The following ACAN variants were observed in gnomAD, a reference collection of about 807,000 sequenced individuals.
The protein encoded by ACAN is aggrecan.
In ACAN, 47 loss-of-function variants were observed where a neutral mutation model predicts 169.1. The ratio of observed to expected loss-of-function variants is 0.28; its 90% confidence interval spans 0.22 to 0.35. The LOEUF (loss-of-function observed/expected upper bound fraction) is 0.35. ACAN is among the 10% of genes least tolerant of loss of function. The pLI is 1.00. For synonymous variants in ACAN, 1,115 were observed against 1,112.2 expected, an observed-to-expected ratio of 1.00 and a Z score of -0.05; for missense variants, 2,716 against 2,759.9, an observed-to-expected ratio of 0.98 and a Z score of 0.36.
Position 88,839,732 on chromosome 15 carries a change from G to A in ACAN, c.455-280G>A, listed in dbSNP as rs1006888195. 2.0e-5 allele frequency among the ~76,000 whole-genome samples: 3 copies of A among 152,172 alleles called. No homozygotes were observed. Among genetic ancestry groups the A allele is most frequent in the African/African-American group, 7.2e-5 (3 of 41,424 alleles). On this transcript the variant is annotated intron_variant, in intron 3 of 18. Coordinates refer to ENST00000560601, the MANE Select transcript of ACAN (RefSeq NM_001369268.1). The surrounding 1 kb of genome is among the most constrained non-coding windows in gnomAD (Gnocchi z 4.5). ...TGGAGTGATAAGAAAAAATTATAAG[G>A]AGGCAGATTTTAGTTTAATTCAAAG...
At chr15:88,859,473 C>T in intron 12 of ACAN, 56 bp downstream of exon 12, 1 of 1,550,104 alleles carries the variant, frequency 6.5e-7, no homozygotes, top group South Asian at 1.2e-5. Flanking sequence ...CTGTAGCCTA[C>T]TGCAGCACAG....
In ACAN at chr15:88,850,013, G is replaced by A. The variant is rs919572653; in HGVS notation, c.2026+282G>A. The A allele has an allele frequency of 8.3e-6, 5 of 605,002 alleles. No individual in the cohort carries two copies. The Admixed American group carries it at 1.4e-4, about 17-fold the overall frequency. 37.5% of individuals were successfully genotyped at this position (605,002 alleles called of 1,614,324 possible). ...AGACCTGAATTTGAGTTATGGCTCT[G>A]CTACTTAATAGCTGTGTGAAAATGG... On this transcript the variant is annotated intron_variant, in intron 10 of 18. Transcript: ENST00000560601.
At chr15:88,805,462 G>A (rs1047748419) in intron 1 of ACAN, among the ~76,000 whole-genome samples, 2 of 152,248 alleles carry the variant, frequency 1.3e-5, no homozygotes, top group Non-Finnish European at 1.5e-5. Context: ...ATCTCTTGGA[G>A]AGATGCTGGA....
chr15:88,860,479 G>A (rs559021246), intron 13 of ACAN, 40 bp downstream of exon 13: 30 of 1,561,458 alleles, frequency 1.9e-5, no homozygotes, highest in Admixed American at 5.2e-5. Flanking sequence ...GGGCGGAGGC[G>A]CTGGACAGAC....
Position 88,851,757 on chromosome 15 carries a change from G to C in ACAN, c.2027-37G>C. 1 of 1,529,272 alleles carries C rather than the reference G, an allele frequency of 6.5e-7. No homozygotes were observed. Among genetic ancestry groups the C allele is most frequent in the Non-Finnish European group, 8.8e-7 (1 of 1,135,262 alleles). The allele number at this position is 1,529,272 out of a possible 1,614,324, so 94.7% of individuals were successfully genotyped here. On this transcript the variant is annotated intron_variant, in intron 10 of 18. Transcript: ENST00000560601. This position sits in a 1 kb window ranked among gnomAD's most constrained non-coding sequence, Gnocchi z 4.3. ...CCAGCCAAGGACGGGTCACTGGTAAGAGAGGGACTCACTCTGACCACCCAC... is the reference window on the plus strand; with the variant it reads ...CCAGCCAAGGACGGGTCACTGGTAACAGAGGGACTCACTCTGACCACCCAC...
At chr15:88,841,087 G>A (rs1337491560) in intron 4 of ACAN, among the ~76,000 whole-genome samples, 1 of 152,244 alleles carries the variant, frequency 6.6e-6, no homozygotes, top group East Asian at 1.9e-4. Context: ...GGAGCTTGCA[G>A]TGAGCCGAGA....
Position 88,858,339 on chromosome 15 carries a change from C to T in ACAN, c.5754C>T (p.Pro1918=). The T allele has an allele frequency of 6.2e-7, 1 of 1,613,974 alleles. No homozygotes were observed. The highest frequency in any genetic ancestry group is 8.5e-7 in the Non-Finnish European group (1 of 1,179,890). Residue 1918 remains proline, a synonymous_variant, in exon 12 of 19, where the codon CCC becomes CCT. Coordinates refer to ENST00000560601, the MANE Select transcript of ACAN (RefSeq NM_001369268.1). This position sits in a 1 kb window ranked among gnomAD's most constrained non-coding sequence, Gnocchi z 4.0. ...GAGCTGAGATTGGGAGCAGCCTGCC[C>T]TCGGGAGCATATTATGGCAGTGGAA... ...SSRAEIGSSL[P]SGAYYGSGTP...
At chr15:88,847,554 G>A in intron 8 of ACAN, 137 bp downstream of exon 8, 1 of 1,109,112 alleles carries the variant, frequency 9.0e-7, no homozygotes, top group Non-Finnish European at 1.2e-6. Context: ...CTCAACTGAG[G>A]CATATCCCGA....
chr15:88,855,346 G>C lies in ACAN; in HGVS notation c.2761G>C (p.Gly921Arg). 2 of 1,612,762 alleles carry C rather than the reference G, an allele frequency of 1.2e-6. No homozygotes were observed. Among genetic ancestry groups the C allele is most frequent in the Non-Finnish European group, 1.7e-6 (2 of 1,179,124 alleles). Residue 921 changes from glycine to arginine, a missense_variant, in exon 12 of 19, where the codon GGG becomes CGG. Coordinates refer to ENST00000560601, the MANE Select transcript of ACAN (RefSeq NM_001369268.1). ...GCCTGTGGAAAGTGGACTACCCTCA[G>C]GGGATGAAGAGAGAATTGAGTGGCC... is the stretch of plus-strand genomic sequence containing the variant. ...GLPVESGLPS[G>R]DEERIEWPST...
chr15:88,823,721 G>A (rs1360245898), intron 1 of ACAN, among the ~76,000 whole-genome samples: 2 of 152,062 alleles, frequency 1.3e-5, no homozygotes, highest in Non-Finnish European at 2.9e-5. Flanking sequence ...ATCACTCCCA[G>A]CCTCTTGGAG....
rs201154137 is a variant in ACAN at position 88,872,968 on chromosome 15, G to A, written c.7390G>A (p.Glu2464Lys). ...GGTGATGATCTGGCACGAGAAGGGC[G>A]AGTGGAATGATGTTCCCTGCAATTA... is the stretch of plus-strand genomic sequence containing the variant. ...CVVMIWHEKG[E>K]WNDVPCNYHL... The change falls in exon 17 of 19, where the codon GAG becomes AAG. Residue 2464 changes from glutamate to lysine, a missense_variant. Physicochemically the swap from Glu to Lys is moderately conservative, Grantham distance 56. Around this residue, in one of 3 missense-constraint regions of ACAN, gnomAD observed 1,389 missense variants for 1,363.7 expected, o/e 1.02. Transcript: ENST00000560601. This position sits in a 1 kb window ranked among gnomAD's most constrained non-coding sequence, Gnocchi z 5.4. 6.9e-5 allele frequency: 111 copies of A among 1,613,842 alleles called. 2 individuals carry two copies. Among genetic ancestry groups the A allele is most frequent in the South Asian group, 3.8e-4 (35 of 91,024 alleles).
intron 11 of ACAN, among the ~76,000 whole-genome samples, chr15:88,854,465 A>T (rs1897002195): frequency 6.6e-6 from 1 of 152,206 alleles, no homozygotes; most frequent in East Asian, 1.9e-4. Context: ...TACTTGCAGG[A>T]TGACCTTGGT....
rs145131064 is a variant in ACAN, at chr15:88,815,798, T to C, written c.-8+11989T>C. ...GTTTATAAAGAAGTTTTTAGATTAG[T>C]AGTAGTGTTATAATAAAAAGTTACC... On this transcript the variant is annotated intron_variant, in intron 1 of 18. Transcript: ENST00000560601. Among the ~76,000 whole-genome samples, 900 of 152,112 alleles carry C rather than the reference T, an allele frequency of 5.9e-3. 7 individuals are homozygous for C. Among genetic ancestry groups the C allele is most frequent in the African/African-American group, 0.02 (840 of 41,472 alleles).
Position 88,851,623 on chromosome 15 carries a change from T to C in ACAN, c.2027-171T>C, listed in dbSNP as rs138787877. ...GTGCTGATGGTGCATATGGATATTA[T>C]ATCATTGGTGCCGATGGCTCTTACT... On this transcript the variant is annotated intron_variant, in intron 10 of 18. Coordinates refer to ENST00000560601, the MANE Select transcript of ACAN (RefSeq NM_001369268.1). The surrounding 1 kb of genome is among the most constrained non-coding windows in gnomAD (Gnocchi z 4.3). The C allele has an allele frequency of 1.8e-4, 126 of 694,090 alleles. No individual in the cohort carries two copies. The African/African-American group carries it at 2.1e-3, about 11-fold the overall frequency. 43.0% of individuals were successfully genotyped at this position (694,090 alleles called of 1,614,324 possible). A position where few individuals can be genotyped will look rare whatever the true frequency, so the allele number is the denominator to read the frequency against.
chr15:88,854,966 TCCCCTCAGAGGAGCCATC>T lies in ACAN; in HGVS notation c.2394_2411del (p.Ser800_Pro805del), dbSNP rs1427904133. 3 of 1,599,002 alleles carry T rather than the reference TCCCCTCAGAGGAGCCATC, an allele frequency of 1.9e-6. No homozygotes were observed. The highest frequency in any genetic ancestry group is 4.5e-5 in the East Asian group (2 of 44,316). On this transcript the variant is annotated inframe_deletion, in exon 12 of 19. Coordinates refer to ENST00000560601, the MANE Select transcript of ACAN (RefSeq NM_001369268.1). The stretch of plus-strand genomic sequence containing the variant: ...GAACCATCCCCCTCAGAGGTGCCAT[TCCCCTCAGAGGAGCCATC>T]CCCCTCAGAGGAACCATTCCCCTCA...
chr15:88,872,745 C>G lies in ACAN; in HGVS notation c.7303-136C>G. The stretch of plus-strand genomic sequence containing the variant: ...GATCAGATTCCCAGCAGTTTTTGTG[C>G]TGCTATCAGATGAGCCTGAAGTTGG... On this transcript the variant is annotated intron_variant, in intron 16 of 18. Transcript: ENST00000560601. This position sits in a 1 kb window ranked among gnomAD's most constrained non-coding sequence, Gnocchi z 5.4. 8.9e-7 allele frequency: 1 copy of G among 1,121,580 alleles called. No homozygotes were observed. Among genetic ancestry groups the G allele is most frequent in the South Asian group, 1.7e-5 (1 of 58,076 alleles). 69.5% of individuals were successfully genotyped at this position (1,121,580 alleles called of 1,614,324 possible).
chr15:88,838,600 G>A lies in ACAN; in HGVS notation c.71-63G>A. ...GTGCATTGCTGGAAGGATGGATGGG[G>A]AGGCGGGGTGGTCCTCTCTAGGCAC... On this transcript the variant is annotated intron_variant, in intron 2 of 18. Coordinates refer to ENST00000560601, the MANE Select transcript of ACAN (RefSeq NM_001369268.1). This position sits in a 1 kb window ranked among gnomAD's most constrained non-coding sequence, Gnocchi z 5.1. 6.6e-7 allele frequency: 1 copy of A among 1,515,012 alleles called. No individual in the cohort carries two copies. Among genetic ancestry groups the A allele is most frequent in the Middle Eastern group, 1.8e-4 (1 of 5,610 alleles). 93.8% of individuals were successfully genotyped at this position (1,515,012 alleles called of 1,614,324 possible). A position where few individuals can be genotyped will look rare whatever the true frequency, so the allele number is the denominator to read the frequency against.
rs941475788 is a variant in ACAN at position 88,843,964 on chromosome 15, A to G, written c.1051+316A>G. On this transcript the variant is annotated intron_variant, in intron 6 of 18. Transcript: ENST00000560601. The surrounding 1 kb of genome is among the most constrained non-coding windows in gnomAD (Gnocchi z 4.0). ...CTACTGTGCAACCCTGGCAAAGTCA[A>G]GGCTGTGAACCTCACTCTTCTCATC... Among the ~76,000 whole-genome samples, 9 of 152,156 alleles carry G rather than the reference A, an allele frequency of 5.9e-5. No individual in the cohort carries two copies. The highest frequency in any genetic ancestry group is 1.0e-4 in the Non-Finnish European group (7 of 68,038).
At chr15:88,818,579 C>T (rs755060579) in intron 1 of ACAN, among the ~76,000 whole-genome samples, 37 of 152,274 alleles carry the variant, frequency 2.4e-4, no homozygotes, top group Non-Finnish European at 4.6e-4. Flanking sequence ...ATTTCTCATA[C>T]GATATGGCCC....
Sources: allele counts gnomAD v4.1 joint callset (sites outside exome capture counted in the v4.1 genomes callset), GRCh38; gene constraint gnomAD v4.1.1; regional missense constraint gnomAD v4.1.1; non-coding constraint Gnocchi (gnomAD v3.1); transcripts MANE v1.5; gene names NCBI Gene and HGNC (gene_info 2026-07-23, HGNC 2026-07-21).